Variants in L3MBTL4 observed in about 807,000 individuals in gnomAD.
The protein encoded by L3MBTL4 is L3MBTL histone methyl-lysine binding protein 4.
Under a neutral mutation model 84.5 loss-of-function variants are expected in L3MBTL4, and 70 were observed. The ratio of observed to expected loss-of-function variants is 0.83; its 90% CI spans 0.68 to 1.01. L3MBTL4 has a LOEUF of 1.01. Among genes scored for constraint, L3MBTL4 ranks in the 50% least tolerant of loss-of-function variants. The pLI is 0.00. For synonymous variants in L3MBTL4, 274 were observed against 259.8 expected (o/e 1.05, Z -0.52); for missense variants, 715 against 754.8 (o/e 0.95, Z 0.62).
In L3MBTL4 at chr18:6,213,197, C is replaced by G. The variant is rs762371759; in HGVS notation, c.933G>C (p.Arg311Ser). Reference sequence around the variant, plus strand: ...CTACAATCGTAGCAACACGAATTAACCTGGGGTTCCGTTTATCCACAACTT... The same window carrying G: ...CTACAATCGTAGCAACACGAATTAAGCTGGGGTTCCGTTTATCCACAACTT... ...KLEVVDKRNP[R>S]LIRVATIVDV... The change falls in exon 12 of 19, where the codon AGG becomes AGC. Residue 311 changes from arginine (R) to serine (S), a missense_variant. Physicochemically the swap from Arg to Ser is moderately radical, Grantham distance 110. Transcript: ENST00000317931. 6 of 1,611,310 alleles carry G rather than the reference C, an allele frequency of 3.7e-6. No individual in the cohort carries two copies. The South Asian group carries it at 5.5e-5, about 15-fold the overall frequency.
rs779164373 is a variant in L3MBTL4 at position 6,010,139 on chromosome 18, T to C, written c.1445-40577A>G. ...TTCAACAAGGTGCGAAGTGTTTTTTTTTTAAGGTGGTAAACTGAAAGTAAT... is the reference window on the plus strand; with the variant it reads ...TTCAACAAGGTGCGAAGTGTTTTTTCTTTAAGGTGGTAAACTGAAAGTAAT... On this transcript the variant is annotated intron_variant, in intron 16 of 18. Transcript: ENST00000317931. Among the ~76,000 whole-genome samples, 10 of 152,320 alleles carry C rather than the reference T, an allele frequency of 6.6e-5. 1 individual carries two copies. In the Middle Eastern group the frequency reaches 0.01, roughly 155 times the overall value.
At chr18:6,278,316 G>A (rs1239097665) in intron 4 of L3MBTL4, among the ~76,000 whole-genome samples, 2 of 152,070 alleles carry the variant, frequency 1.3e-5, no homozygotes, top group Admixed American at 6.6e-5. Flanking sequence ...AGCCATTTTA[G>A]TATCTAGAGA....
At chr18:6,186,602 A>C (rs968560391) in intron 12 of L3MBTL4, among the ~76,000 whole-genome samples, 3 of 152,224 alleles carry the variant, frequency 2.0e-5, no homozygotes, top group African/African-American at 4.8e-5. Flanking sequence ...ACCGCAAGGC[A>C]ACTTCTAGTT....
intron 4 of L3MBTL4, among the ~76,000 whole-genome samples, chr18:6,292,480 C>T (rs924561448): frequency 3.3e-5 from 5 of 152,142 alleles, no homozygotes; most frequent in African/African-American, 9.7e-5. Context: ...GGATTCCAAA[C>T]AAATCTGAGA....
At chr18:6,372,966 A>C (rs1039672481) in intron 1 of L3MBTL4, among the ~76,000 whole-genome samples, 1 of 152,220 alleles carries the variant, frequency 6.6e-6, no homozygotes, top group African/African-American at 2.4e-5. Flanking sequence ...TAAGTGCTTT[A>C]TTGTTGCAAA....
intron 10 of L3MBTL4, among the ~76,000 whole-genome samples, chr18:6,235,493 A>G (rs974489521): frequency 2.6e-5 from 4 of 152,258 alleles, no homozygotes; most frequent in Non-Finnish European, 4.4e-5. Context: ...AATGTTATTC[A>G]GCCATAAAAA....
intron 14 of L3MBTL4, among the ~76,000 whole-genome samples, chr18:6,105,121 C>T (rs917009645): frequency 6.6e-6 from 1 of 150,908 alleles, no homozygotes; most frequent in Non-Finnish European, 1.5e-5. Flanking sequence ...CTGCCATACA[C>T]TATTCTAAAT....
At chr18:6,294,774 C>G (rs2050018906) in intron 4 of L3MBTL4, among the ~76,000 whole-genome samples, 1 of 152,168 alleles carries the variant, frequency 6.6e-6, no homozygotes, top group South Asian at 2.1e-4. Flanking sequence ...GTTCAGCACT[C>G]TTACTATCCA....
intron 10 of L3MBTL4, among the ~76,000 whole-genome samples, chr18:6,237,506 T>C (rs71360024): frequency 7.2e-6 from 1 of 138,332 alleles, no homozygotes; most frequent in Non-Finnish European, 1.5e-5. Flanking sequence ...CCCAGGCTGG[T>C]GTGCAGTGAC....
At chr18:6,048,531 T>C (rs962838561) in intron 16 of L3MBTL4, among the ~76,000 whole-genome samples, 18 of 152,056 alleles carry the variant, frequency 1.2e-4, no homozygotes, top group African/African-American at 3.4e-4. Context: ...GCATGGTGGC[T>C]CACATCTGTC....
At chr18:6,394,986 C>A (rs2055209510) in intron 1 of L3MBTL4, 1 of 152,162 alleles carries the variant, frequency 6.6e-6, no homozygotes, top group Non-Finnish European at 1.5e-5. Flanking sequence ...TTTAATGATT[C>A]TCAATACCTT....
At chr18:6,359,188 G>A (rs556901605) in intron 1 of L3MBTL4, among the ~76,000 whole-genome samples, 5 of 152,272 alleles carry the variant, frequency 3.3e-5, no homozygotes, top group Non-Finnish European at 5.9e-5. Context: ...AGCTGGGCAC[G>A]GCGGCTCATG....
intron 10 of L3MBTL4, among the ~76,000 whole-genome samples, chr18:6,221,414 T>C (rs993947853): frequency 6.6e-6 from 1 of 152,192 alleles, no homozygotes. Flanking sequence ...CTATTGGATC[T>C]GCCAAGGGTC....
intron 10 of L3MBTL4, among the ~76,000 whole-genome samples, chr18:6,235,418 C>A (rs1255098257): frequency 6.6e-6 from 1 of 151,922 alleles, no homozygotes; most frequent in Non-Finnish European, 1.5e-5. Flanking sequence ...CCAAAAGGTA[C>A]AACTAAACCA....
chr18:6,005,345 C>CAAAAACACACAAAAAA (rs61290795), intron 16 of L3MBTL4, among the ~76,000 whole-genome samples: 1 of 151,670 alleles, frequency 6.6e-6, no homozygotes, highest in Non-Finnish European at 1.5e-5. Context: ...GACACTGTCT[C>CAAAAACACACAAAAAA]ACAAACACAA....
intron 8 of L3MBTL4, 53 bp from the exon 9 acceptor site, chr18:6,239,925 A>G (rs2047385546): frequency 4.4e-6 from 7 of 1,594,916 alleles, no homozygotes; most frequent in Non-Finnish European, 3.4e-6. Flanking sequence ...GACACCAAAT[A>G]GGACTGAGCC....
At chr18:6,144,179 G>C (rs966469220) in intron 13 of L3MBTL4, among the ~76,000 whole-genome samples, 3 of 121,356 alleles carry the variant, frequency 2.5e-5, no homozygotes, top group Non-Finnish European at 4.8e-5. Context: ...CTGGGCGACA[G>C]AGTGAGACTC....
chr18:6,123,751 C>T (rs1217685673), intron 14 of L3MBTL4, among the ~76,000 whole-genome samples: 6 of 152,192 alleles, frequency 3.9e-5, no homozygotes, highest in Non-Finnish European at 5.9e-5. Context: ...GATAAAGAAA[C>T]CAAGGCCTAG....
chr18:6,027,432 ATC>A (rs2055563097), intron 16 of L3MBTL4, among the ~76,000 whole-genome samples: 1 of 152,214 alleles, frequency 6.6e-6, no homozygotes, highest in South Asian at 2.1e-4. Context: ...TGTCCAGTCT[ATC>A]ATTGATGGAC....
Sources: allele counts gnomAD v4.1 joint callset (sites outside exome capture counted in the v4.1 genomes callset), GRCh38; gene constraint gnomAD v4.1.1; transcripts MANE v1.5; gene names NCBI Gene and HGNC (gene_info 2026-07-23, HGNC 2026-07-21).